The following CAV1 variants were observed in gnomAD, a reference collection of about 807,000 sequenced individuals.
CAV1 encodes caveolin 1.
In CAV1, 10 loss-of-function variants were observed where a neutral mutation model predicts 16.5. The observed-to-expected ratio is 0.61, with a 90% CI of 0.37 to 1.03. The LOEUF is 1.03. Among genes scored for constraint, CAV1 ranks in the 50% least tolerant of loss-of-function variants. The pLI is 0.01. For missense variants in CAV1, 212 were observed against 232.8 expected, an observed-to-expected ratio of 0.91 and a Z score of 0.58; for synonymous variants, 76 against 85.1, an observed-to-expected ratio of 0.89 and a Z score of 0.59.
intron 2 of CAV1, among the ~76,000 whole-genome samples, chr7:116,533,348 T>TAATA (rs199600214): frequency 2.4e-4 from 33 of 137,690 alleles, no homozygotes; most frequent in Admixed American, 1.9e-3. Context: ...AAAAATAAAA[T>TAATA]AAATAAAATA....
At chr7:116,530,341 G>A (rs1793663171) in intron 2 of CAV1, among the ~76,000 whole-genome samples, 1 of 151,352 alleles carries the variant, frequency 6.6e-6, no homozygotes, top group Non-Finnish European at 1.5e-5. Flanking sequence ...ACTGTCTTAT[G>A]TGATCTCTAC....
At chr7:116,547,872 G>T (rs956691983) in intron 2 of CAV1, among the ~76,000 whole-genome samples, 6 of 152,170 alleles carry the variant, frequency 3.9e-5, no homozygotes, top group Non-Finnish European at 8.8e-5. Context: ...GCATCTTACA[G>T]ATAAGAAACT....
intron 2 of CAV1, among the ~76,000 whole-genome samples, chr7:116,555,030 T>C (rs1232284144): frequency 2.0e-5 from 3 of 152,182 alleles, no homozygotes; most frequent in Non-Finnish European, 4.4e-5. Context: ...CTTCAGTGGT[T>C]TGTGGTGAAG....
At chr7:116,533,154 A>G (rs922433783) in intron 2 of CAV1, among the ~76,000 whole-genome samples, 6 of 152,022 alleles carry the variant, frequency 3.9e-5, no homozygotes, top group Non-Finnish European at 7.4e-5. Context: ...ATCCTGGCCA[A>G]CACGGTGAAA....
chr7:116,534,593 G>A (rs1021991532), intron 2 of CAV1, among the ~76,000 whole-genome samples: 1 of 150,062 alleles, frequency 6.7e-6, no homozygotes, highest in African/African-American at 2.4e-5. Flanking sequence ...GTAGAGACAG[G>A]GTGTCACCGT....
chr7:116,533,998 A>G (rs1214953016), intron 2 of CAV1, among the ~76,000 whole-genome samples: 1 of 151,932 alleles, frequency 6.6e-6, no homozygotes, highest in Non-Finnish European at 1.5e-5. Flanking sequence ...AGGCGGATCA[A>G]CTGAGGTCAG....
intron 2 of CAV1, among the ~76,000 whole-genome samples, chr7:116,552,164 G>A (rs566299409): frequency 7.9e-4 from 120 of 152,184 alleles, no homozygotes; most frequent in Non-Finnish European, 1.4e-3. Flanking sequence ...CAGCAGACAG[G>A]GTCATTGAAA....
Position 116,526,380 on chromosome 7 carries a change from G to C in CAV1, c.31-145G>C, listed in dbSNP as rs1793559542. Reference sequence around the variant, plus strand: ...GGTTTCTGTGCACGGAGCCGTAGCTGTCGGAGCGGTTAGTTCGATTTCGAG... The same window carrying C: ...GGTTTCTGTGCACGGAGCCGTAGCTCTCGGAGCGGTTAGTTCGATTTCGAG... On this transcript the variant is annotated intron_variant, in intron 1 of 2. Coordinates refer to ENST00000341049, the MANE Select transcript of CAV1 (RefSeq NM_001753.5). The C allele has an allele frequency of 2.6e-6, 4 of 1,524,292 alleles. No individual in the cohort carries two copies. The Admixed American group carries it at 7.9e-5, about 30-fold the overall frequency. The allele number at this position is 1,524,292 out of a possible 1,614,324, so 94.4% of individuals were successfully genotyped here.
In CAV1 at chr7:116,555,594, A is replaced by G. The variant is rs191660551; in HGVS notation, c.196-3352A>G. 2.3e-3 allele frequency among the ~76,000 whole-genome samples: 237 copies of G among 101,940 alleles called. 5 individuals carry two copies. Among genetic ancestry groups the G allele is most frequent in the African/African-American group, 5.6e-3 (151 of 27,022 alleles). The allele number at this position is 101,940 out of a possible 152,430, so 66.9% of individuals were successfully genotyped here. ...AAAGAAAGAAAGAAAGAAAGAAAGA[A>G]AGAAAGAAAGAGAAAGAAAGAAAGA... is the stretch of plus-strand genomic sequence containing the variant. On this transcript the variant is annotated intron_variant, in intron 2 of 2. Coordinates refer to ENST00000341049, the MANE Select transcript of CAV1 (RefSeq NM_001753.5).
In CAV1 at chr7:116,559,571, A is replaced by G; in HGVS notation, c.*284A>G. On this transcript the variant is annotated 3_prime_UTR_variant, in exon 3 of 3. Transcript: ENST00000341049. Reference sequence around the variant, plus strand: ...GCTTTATTGGCTGAGATATGAACATATTGTTGAAAGGTAATTTGAGAGAAA... The same window carrying G: ...GCTTTATTGGCTGAGATATGAACATGTTGTTGAAAGGTAATTTGAGAGAAA... 1.9e-6 allele frequency: 1 copy of G among 531,812 alleles called. No homozygotes were observed. 32.9% of individuals were successfully genotyped at this position (531,812 alleles called of 1,614,324 possible).
At chr7:116,553,519 A>G (rs1772962511) in intron 2 of CAV1, among the ~76,000 whole-genome samples, 1 of 152,114 alleles carries the variant, frequency 6.6e-6, no homozygotes, top group Non-Finnish European at 1.5e-5. Context: ...ACTTCCCTCC[A>G]GAAGGCCAAG....
chr7:116,546,702 A>AAAAAAAAAAAAAAAAG (rs1554356427), intron 2 of CAV1, among the ~76,000 whole-genome samples: 1 of 142,952 alleles, frequency 7.0e-6, no homozygotes, highest in Non-Finnish European at 1.5e-5. Context: ...TGTCACAAAA[A>AAAAAAAAAAAAAAAAG]AAAAAAAAAA....
At chr7:116,549,323 G>A (rs1028540832) in intron 2 of CAV1, among the ~76,000 whole-genome samples, 65 of 152,230 alleles carry the variant, frequency 4.3e-4, no homozygotes, top group African/African-American at 1.5e-3. Context: ...TTCAGGTCAC[G>A]GGAGAAAACC....
intron 2 of CAV1, among the ~76,000 whole-genome samples, chr7:116,552,222 G>A (rs1317944078): frequency 6.6e-6 from 1 of 152,152 alleles, no homozygotes; most frequent in Non-Finnish European, 1.5e-5. Flanking sequence ...TTTTCCAGAT[G>A]AAAAGAATAT....
intron 2 of CAV1, among the ~76,000 whole-genome samples, chr7:116,530,231 G>T (rs1326519631): frequency 2.9e-5 from 2 of 69,650 alleles, no homozygotes; most frequent in Admixed American, 1.3e-4. Context: ...TGCCTTGACT[G>T]CCAGGAAGCA....
chr7:116,555,565 AAAG>A (rs1794268340), intron 2 of CAV1, among the ~76,000 whole-genome samples: 2 of 91,002 alleles, frequency 2.2e-5, no homozygotes, highest in Non-Finnish European at 2.3e-5. Context: ...AGAAAGAAAG[AAAG>A]AAAGAAAGAA....
chr7:116,551,361 G>A (rs1333892545), intron 2 of CAV1, among the ~76,000 whole-genome samples: 1 of 152,140 alleles, frequency 6.6e-6, no homozygotes, highest in African/African-American at 2.4e-5. Context: ...GCCAATTCAG[G>A]TATATGAGCT....
chr7:116,550,792 G>T (rs913628397), intron 2 of CAV1, among the ~76,000 whole-genome samples: 3 of 152,116 alleles, frequency 2.0e-5, no homozygotes, highest in Non-Finnish European at 2.9e-5. Context: ...CGTTTACATA[G>T]GGTTCAGAAT....
chr7:116,526,493 C>A, intron 1 of CAV1, 32 bp from the exon 2 acceptor site: 3 of 1,613,390 alleles, frequency 1.9e-6, no homozygotes, highest in South Asian at 1.1e-5. Flanking sequence ...CCGCCCTCCC[C>A]GTCCTGGCCG....
Sources: allele counts gnomAD v4.1 joint callset (sites outside exome capture counted in the v4.1 genomes callset), GRCh38; gene constraint gnomAD v4.1.1; transcripts MANE v1.5; gene names NCBI Gene and HGNC (gene_info 2026-07-23, HGNC 2026-07-21).